The following ARHGAP25 variants were observed in gnomAD, a reference collection of about 807,000 sequenced individuals.
ARHGAP25 encodes rho GTPase-activating protein 25.
ARHGAP25 carries 34 observed loss-of-function variants against 71.0 expected under a neutral mutation model. The observed-to-expected ratio is 0.48, with a 90% confidence interval of 0.36 to 0.64. The LOEUF is 0.64. Among genes scored for constraint, ARHGAP25 ranks in the 30% least tolerant of loss-of-function variants. The probability of loss-of-function intolerance (pLI) is 0.00; values close to 1 mark genes in which losing one functional copy is unlikely to be tolerated. For synonymous variants in ARHGAP25, 282 were observed against 296.5 expected (o/e 0.95, Z 0.50); for missense variants, 706 against 805.1 (o/e 0.88, Z 1.49).
chr2:68,816,099 T>TA (rs1012687239), intron 6 of ARHGAP25, 190 bp from the exon 7 acceptor site: 14 of 659,882 alleles, frequency 2.1e-5, no homozygotes, highest in East Asian at 8.6e-5. Flanking sequence ...ATGACCCTTT[T>TA]AAAAAAAATT....
At chr2:68,737,086 A>G (rs1675262171) in intron 1 of ARHGAP25, among the ~76,000 whole-genome samples, 1 of 152,230 alleles carries the variant, frequency 6.6e-6, no homozygotes, top group South Asian at 2.1e-4. Context: ...TGAAATACAG[A>G]GGAGCCCTTG....
chr2:68,755,590 T>A (rs554128755), intron 1 of ARHGAP25, among the ~76,000 whole-genome samples: 10 of 152,202 alleles, frequency 6.6e-5, no homozygotes, highest in Non-Finnish European at 1.5e-4. Flanking sequence ...TTAGCTACAT[T>A]TATCTATTTG....
At chr2:68,802,576 G>A (rs1558648218) in intron 4 of ARHGAP25, among the ~76,000 whole-genome samples, 1 of 151,970 alleles carries the variant, frequency 6.6e-6, no homozygotes. Context: ...GGCACTTGAT[G>A]ATGGAATGAA....
intron 6 of ARHGAP25, among the ~76,000 whole-genome samples, chr2:68,813,627 T>C (rs73933397): frequency 0.025 from 3,853 of 152,206 alleles, 153 homozygotes; most frequent in African/African-American, 0.089. Flanking sequence ...CAATAAAGAA[T>C]TGGACCATAA....
rs376043443 is a variant in ARHGAP25 at position 68,812,508 on chromosome 2, G to A, written c.675-779G>A. Among the ~76,000 whole-genome samples the A allele has an allele frequency of 2.3e-4, 35 of 152,242 alleles. No homozygotes were observed. The East Asian group carries it at 4.2e-3, about 18-fold the overall frequency. On this transcript the variant is annotated intron_variant, in intron 5 of 10. Transcript: ENST00000409202. The stretch of plus-strand genomic sequence containing the variant: ...CTGCCTCATGCCCTAACTCCTCACC[G>A]CCTTTCAGAGTTCATCTGAGGTACT...
chr2:68,751,502 G>A (rs1213877420), intron 1 of ARHGAP25, among the ~76,000 whole-genome samples: 4 of 152,108 alleles, frequency 2.6e-5, no homozygotes, highest in South Asian at 2.1e-4. Context: ...CCTCCTATTC[G>A]CACACCTGCC....
chr2:68,733,589 C>G (rs116440318), upstream of ARHGAP25, among the ~76,000 whole-genome samples: 1 of 152,136 alleles, frequency 6.6e-6, no homozygotes, highest in Admixed American at 6.5e-5. Flanking sequence ...AGAGTGTTAA[C>G]AGCCAGTTCA....
At chr2:68,785,626 A>G (rs542308542) in intron 3 of ARHGAP25, among the ~76,000 whole-genome samples, 1 of 152,262 alleles carries the variant, frequency 6.6e-6, no homozygotes, top group South Asian at 2.1e-4. Context: ...ATTGCTCAAG[A>G]TAATTTAGCT....
chr2:68,759,993 C>G (rs1241568210), intron 1 of ARHGAP25, among the ~76,000 whole-genome samples: 4 of 151,854 alleles, frequency 2.6e-5, no homozygotes, highest in Non-Finnish European at 4.4e-5. Context: ...TAAATCCAGA[C>G]CAAATGGGAT....
Position 68,825,173 on chromosome 2 carries a change from C to G in ARHGAP25, c.1734-814C>G, listed in dbSNP as rs190006275. The stretch of plus-strand genomic sequence containing the variant: ...GTGAGACTGCCAGGACCACAGCTCC[C>G]CAAAGGGCAGTTCCCTCTGTTTCTC... On this transcript the variant is annotated intron_variant, in intron 10 of 10. Coordinates refer to ENST00000409202, the MANE Select transcript of ARHGAP25 (RefSeq NM_001007231.3). 6.6e-5 allele frequency among the ~76,000 whole-genome samples: 10 copies of G among 152,252 alleles called. No homozygotes were observed. The East Asian group carries it at 1.9e-3, about 29-fold the overall frequency.
intron 5 of ARHGAP25, among the ~76,000 whole-genome samples, chr2:68,811,570 G>C (rs1311776897): frequency 1.3e-5 from 2 of 152,172 alleles, no homozygotes; most frequent in Non-Finnish European, 2.9e-5. Flanking sequence ...TTTCCTGAGG[G>C]CAGCCATGGA....
At chr2:68,802,958 TAC>T (rs1236781077) in intron 4 of ARHGAP25, among the ~76,000 whole-genome samples, 3 of 139,230 alleles carry the variant, frequency 2.2e-5, no homozygotes, top group African/African-American at 7.5e-5. Flanking sequence ...TGTATATATA[TAC>T]ACACACATAT....
intron 2 of ARHGAP25, among the ~76,000 whole-genome samples, chr2:68,779,447 G>A (rs1678164182): frequency 6.6e-6 from 1 of 152,164 alleles, no homozygotes; most frequent in African/African-American, 2.4e-5. Context: ...TTCATTGTAA[G>A]CTTATAGAAT....
intron 4 of ARHGAP25, among the ~76,000 whole-genome samples, chr2:68,796,426 T>C (rs1188716580): frequency 6.6e-6 from 1 of 152,226 alleles, no homozygotes; most frequent in African/African-American, 2.4e-5. Context: ...TCCTGTATTG[T>C]TACATTGATT....
At chr2:68,732,434 G>T (rs1401910125), upstream of ARHGAP25, among the ~76,000 whole-genome samples, 1 of 152,192 alleles carries the variant, frequency 6.6e-6, no homozygotes, top group Non-Finnish European at 1.5e-5. Context: ...GATGCTGCTG[G>T]GCCGGGCCAG....
At chr2:68,759,413 C>G (rs59043215) in intron 1 of ARHGAP25, among the ~76,000 whole-genome samples, 37,008 of 151,270 alleles carry the variant, frequency 0.24, 5,239 homozygotes, top group African/African-American at 0.39. Flanking sequence ...ACCACCTATT[C>G]TACAGAAATA....
intron 2 of ARHGAP25, among the ~76,000 whole-genome samples, chr2:68,780,859 C>G (rs1678281478): frequency 6.6e-6 from 1 of 152,206 alleles, no homozygotes; most frequent in Admixed American, 6.5e-5. Flanking sequence ...CAGTCATCTC[C>G]ATCGGTACTT....
chr2:68,791,727 G>A (rs1413845989), intron 4 of ARHGAP25, among the ~76,000 whole-genome samples: 3 of 152,070 alleles, frequency 2.0e-5, no homozygotes, highest in African/African-American at 4.8e-5. Context: ...GTGCAGAGCC[G>A]ATGCCTCTTC....
At chr2:68,798,292 A>G (rs1679720534) in intron 4 of ARHGAP25, among the ~76,000 whole-genome samples, 2 of 152,202 alleles carry the variant, frequency 1.3e-5, no homozygotes, top group Admixed American at 6.5e-5. Context: ...AATCATTGTT[A>G]TTCCATGTGT....
Sources: gnomAD v4.1 joint callset for allele counts (sites outside exome capture counted in the v4.1 genomes callset) on GRCh38, gnomAD v4.1.1 for gene constraint, MANE v1.5 for transcripts, NCBI Gene and HGNC (gene_info 2026-07-23, HGNC 2026-07-21) for gene names.